The following PLEKHG7 variants were observed in gnomAD, a reference collection of about 807,000 sequenced individuals.
The protein encoded by PLEKHG7 is pleckstrin homology domain-containing family G member 7.
Under a neutral mutation model 85.2 loss-of-function variants are expected in PLEKHG7, and 77 were observed. That is an observed-to-expected ratio of 0.90 (90% CI 0.75 to 1.09). The LOEUF (loss-of-function observed/expected upper bound fraction) is 1.09, where lower values mean the gene tolerates loss of function less well. Ranked by LOEUF, PLEKHG7 falls within the 50% of genes least tolerant of loss-of-function variation. The probability of loss-of-function intolerance (pLI) is 0.00; values close to 1 mark genes in which losing one functional copy is unlikely to be tolerated. For missense variants in PLEKHG7, 777 were observed against 804.3 expected, an observed-to-expected ratio of 0.97 and a Z score of 0.41; for synonymous variants, 301 against 302.4, an observed-to-expected ratio of 1.00 and a Z score of 0.05.
Position 92,765,325 on chromosome 12 carries a change from T to TAA in PLEKHG7, c.1870+1150_1870+1151dup, listed in dbSNP as rs59974651. On this transcript the variant is annotated intron_variant, in intron 15 of 16. Coordinates refer to ENST00000344636, the MANE Select transcript of PLEKHG7 (RefSeq NM_001377329.1). Reference sequence around the variant, plus strand: ...AACATAGTGAGACCCAGTCTCTTATTAAAAAAAAAAAAAAAAAAAATAGGC... The same window carrying TAA: ...AACATAGTGAGACCCAGTCTCTTATTAAAAAAAAAAAAAAAAAAAAAATAGGC... Among the ~76,000 whole-genome samples the TAA allele has an allele frequency of 2.1e-3, 269 of 128,908 alleles. 2 individuals carry two copies. The highest frequency in any genetic ancestry group is 6.5e-3 in the African/African-American group (222 of 34,168). 84.6% of individuals were successfully genotyped at this position (128,908 alleles called of 152,430 possible). A position where few individuals can be genotyped will look rare whatever the true frequency, so the allele number is the denominator to read the frequency against.
chr12:92,724,831 G>A (rs1871750285), intron 3 of PLEKHG7, among the ~76,000 whole-genome samples: 1 of 152,156 alleles, frequency 6.6e-6, no homozygotes, highest in South Asian at 2.1e-4. Flanking sequence ...AAGAGAGTCA[G>A]AGCAGGTCAG....
chr12:92,764,164 G>A lies in PLEKHG7; in HGVS notation c.1840G>A (p.Val614Ile). 6.2e-7 allele frequency: 1 copy of A among 1,607,208 alleles called. No homozygotes were observed. Among genetic ancestry groups the A allele is most frequent in the Non-Finnish European group, 8.5e-7 (1 of 1,176,442 alleles). ...DQPIPLDRLV[V>I]KSIEPLHVSV... ...GCCTATTCCACTAGATAGATTGGTA[G>A]TCAAAAGTATTGAACCACTCCATGT... Residue 614 changes from valine to isoleucine, a missense_variant, in exon 15 of 17, where the codon GTC (valine) becomes ATC (isoleucine). This residue lies in a region of PLEKHG7 where 520 missense variants were observed against 544.0 expected (regional missense o/e 0.96). Coordinates refer to ENST00000344636, the MANE Select transcript of PLEKHG7 (RefSeq NM_001377329.1).
intron 15 of PLEKHG7, among the ~76,000 whole-genome samples, chr12:92,766,851 T>A (rs1873215476): frequency 6.6e-6 from 1 of 152,150 alleles, no homozygotes; most frequent in Non-Finnish European, 1.5e-5. Context: ...ACAAAACAAC[T>A]ATGCTTCCAC....
chr12:92,765,361 G>T (rs1014396153), intron 15 of PLEKHG7, among the ~76,000 whole-genome samples: 2 of 150,858 alleles, frequency 1.3e-5, no homozygotes, highest in Non-Finnish European at 3.0e-5. Flanking sequence ...TGGGCGTGGT[G>T]GCTCACGCCT....
chr12:92,769,131 T>C (rs1648904698), intron 16 of PLEKHG7, 51 bp downstream of exon 16: 2 of 1,318,324 alleles, frequency 1.5e-6, no homozygotes, highest in South Asian at 2.5e-5. Flanking sequence ...TTACATAAGC[T>C]CCCCCCAAGT....
Position 92,728,979 on chromosome 12 carries a change from T to G in PLEKHG7, c.531-14T>G. Reference sequence around the variant, plus strand: ...ATATTTCGGTGTGGTTTTCCTTTTATCTCTTGAGCACAGGTTCTACGAGCA... The same window carrying G: ...ATATTTCGGTGTGGTTTTCCTTTTAGCTCTTGAGCACAGGTTCTACGAGCA... On this transcript the variant is annotated splice_polypyrimidine_tract_variant and intron_variant, in intron 3 of 16. Transcript: ENST00000344636. The G allele has an allele frequency of 8.1e-7, 1 of 1,231,368 alleles. No individual in the cohort carries two copies. The highest frequency in any genetic ancestry group is 1.0e-6 in the Non-Finnish European group (1 of 987,384). The allele number at this position is 1,231,368 out of a possible 1,614,324, so 76.3% of individuals were successfully genotyped here. A position where few individuals can be genotyped will look rare whatever the true frequency, so the allele number is the denominator to read the frequency against.
Position 92,741,482 on chromosome 12 carries a change from T to C in PLEKHG7, c.1036-9T>C. 2 of 1,597,004 alleles carry C rather than the reference T, an allele frequency of 1.3e-6. No individual in the cohort carries two copies. The highest frequency in any genetic ancestry group is 1.7e-6 in the Non-Finnish European group (2 of 1,171,532). Reference sequence around the variant, plus strand: ...TGCCTATTTTTGTTTTCTTTCTCTCTGTCCCTAGACAAGCCTTGGTTTTGT... The same window carrying C: ...TGCCTATTTTTGTTTTCTTTCTCTCCGTCCCTAGACAAGCCTTGGTTTTGT... On this transcript the variant is annotated splice_polypyrimidine_tract_variant and intron_variant, in intron 8 of 16. Transcript: ENST00000344636.
chr12:92,749,886 TA>T (rs1440552099), intron 10 of PLEKHG7, among the ~76,000 whole-genome samples: 1 of 141,580 alleles, frequency 7.1e-6, no homozygotes, highest in African/African-American at 2.6e-5. Flanking sequence ...TTTTATTTTT[TA>T]TTTTATTTTA....
chr12:92,727,129 T>C (rs890107655), intron 3 of PLEKHG7, among the ~76,000 whole-genome samples: 1 of 152,130 alleles, frequency 6.6e-6, no homozygotes, highest in Non-Finnish European at 1.5e-5. Context: ...GTTTTTGTCA[T>C]CACAGCCCTC....
chr12:92,723,978 C>A (rs1397764210), intron 3 of PLEKHG7, among the ~76,000 whole-genome samples: 2 of 152,188 alleles, frequency 1.3e-5, no homozygotes, highest in African/African-American at 4.8e-5. Flanking sequence ...AAAAATTCCC[C>A]TACATTACAT....
intron 10 of PLEKHG7, among the ~76,000 whole-genome samples, chr12:92,749,983 T>A (rs1224831562): frequency 7.3e-6 from 1 of 137,698 alleles, no homozygotes; most frequent in Non-Finnish European, 1.5e-5. Context: ...TTTATTTTAT[T>A]TTATTATTTT....
rs200132236 is a variant in PLEKHG7, at chr12:92,717,531, CA to C, written c.530+9860del. Among the ~76,000 whole-genome samples the C allele has an allele frequency of 8.3e-3, 1,269 of 152,300 alleles. 16 individuals carry two copies. Among genetic ancestry groups the C allele is most frequent in the African/African-American group, 0.028 (1,157 of 41,544 alleles). On this transcript the variant is annotated intron_variant, in intron 3 of 16. Coordinates refer to ENST00000344636, the MANE Select transcript of PLEKHG7 (RefSeq NM_001377329.1). ...AAGTGGAGACACAAATACAGTCAGGCACTGTATTAATGATGCTTTTGTCAAC... is the reference window on the plus strand; with the variant it reads ...AAGTGGAGACACAAATACAGTCAGGCCTGTATTAATGATGCTTTTGTCAAC...
intron 8 of PLEKHG7, 139 bp from the exon 9 acceptor site, chr12:92,741,352 G>A (rs899689812): frequency 2.2e-6 from 1 of 461,510 alleles, no homozygotes; most frequent in African/African-American, 2.0e-5. Context: ...GAGAGTGGAG[G>A]AAATAAATCT....
rs539708207 is a variant in PLEKHG7 at position 92,770,010 on chromosome 12, T to C, written c.1969-78T>C. 74 of 940,620 alleles carry C rather than the reference T, an allele frequency of 7.9e-5. No homozygotes were observed. The African/African-American group carries it at 9.2e-4, about 12-fold the overall frequency. The allele number at this position is 940,620 out of a possible 1,614,324, so 58.3% of individuals were successfully genotyped here. ...GCTGGTCAATAAATATAGCAGAAAA[T>C]ATTAGCCCAAATATGTGAGAAATTG... On this transcript the variant is annotated intron_variant, in intron 16 of 16. Transcript: ENST00000344636.
At chr12:92,737,769 A>AAGGAAGGAAGGAAGGAAGGAAGGAAGGC (rs1872218678) in intron 7 of PLEKHG7, among the ~76,000 whole-genome samples, 1 of 86,574 alleles carries the variant, frequency 1.2e-5, no homozygotes, top group Non-Finnish European at 2.7e-5. Context: ...GGAAGGAAGG[A>AAGGAAGGAAGGAAGGAAGGAAGGAAGGC]AGGGAAAGAG....
intron 3 of PLEKHG7, among the ~76,000 whole-genome samples, chr12:92,719,585 C>T (rs926842088): frequency 2.0e-5 from 3 of 152,200 alleles, no homozygotes; most frequent in African/African-American, 7.2e-5. Context: ...ATCCAAGTTG[C>T]AGTGCCTTCA....
chr12:92,764,530 T>C (rs140408312), intron 15 of PLEKHG7, among the ~76,000 whole-genome samples: 2,406 of 152,284 alleles, frequency 0.016, 32 homozygotes, highest in Non-Finnish European at 0.024. Flanking sequence ...GCTACTGGTA[T>C]TGTTATTATA....
chr12:92,762,817 A>C (rs567448122), intron 14 of PLEKHG7, among the ~76,000 whole-genome samples: 1 of 152,226 alleles, frequency 6.6e-6, no homozygotes, highest in Non-Finnish European at 1.5e-5. Flanking sequence ...AAGCTTCTAC[A>C]TGGCATGTTG....
At chr12:92,745,618 T>C in intron 10 of PLEKHG7, 27 bp downstream of exon 10, 3 of 1,537,010 alleles carry the variant, frequency 2.0e-6, no homozygotes, top group Non-Finnish European at 2.7e-6. Flanking sequence ...TTTTCTTTTG[T>C]ATTTTTGCTG....
Sources: allele counts gnomAD v4.1 joint callset (sites outside exome capture counted in the v4.1 genomes callset), GRCh38; gene constraint gnomAD v4.1.1; regional missense constraint gnomAD v4.1.1; transcripts MANE v1.5; gene names NCBI Gene and HGNC (gene_info 2026-07-23, HGNC 2026-07-21).